ZC3H12B: variants seen among roughly 807,000 people sequenced by gnomAD.
The protein encoded by ZC3H12B is probable ribonuclease ZC3H12B.
A neutral mutation model predicts 43.9 loss-of-function variants in ZC3H12B; 7 were observed. The observed-to-expected ratio is 0.16, with a 90% CI of 0.09 to 0.30. ZC3H12B has a LOEUF of 0.30. ZC3H12B is among the 10% of genes least tolerant of loss of function. ZC3H12B has a pLI of 1.00. For synonymous variants in ZC3H12B, 222 were observed against 241.7 expected (o/e 0.92, Z 0.76); for missense variants, 475 against 670.2 (o/e 0.71, Z 3.22).
chrX:65,217,419 G>A, the ZC3H12B span, among the ~76,000 whole-genome samples: 1 of 111,363 alleles, frequency 9.0e-6, no homozygotes, highest in Non-Finnish European at 1.9e-5. Context: ...ACATCCACAA[G>A]AACCAAGAAT....
chrX:65,443,922 G>A (rs978789270), intron 3 of ZC3H12B, among the ~76,000 whole-genome samples: 6 of 112,266 alleles, frequency 5.3e-5, no homozygotes, highest in East Asian at 2.8e-4. Flanking sequence ...TTTCTTGCAG[G>A]CAGAAGATAG....
chrX:65,078,900 A>G, the ZC3H12B span, among the ~76,000 whole-genome samples: 1 of 111,815 alleles, frequency 8.9e-6, no homozygotes, highest in Admixed American at 9.4e-5. Flanking sequence ...TTAGTTAATT[A>G]AAAATGTACA....
the ZC3H12B span, among the ~76,000 whole-genome samples, chrX:65,224,816 T>TG: frequency 9.0e-6 from 1 of 111,631 alleles, no homozygotes; most frequent in African/African-American, 3.3e-5. Context: ...GCAGCGAGGC[T>TG]GGGGGAAGGG....
intron 2 of ZC3H12B, among the ~76,000 whole-genome samples, chrX:65,392,490 G>A (rs866101595): frequency 3.7e-4 from 42 of 112,156 alleles, no homozygotes; most frequent in Non-Finnish European, 4.3e-4. Flanking sequence ...GTCTCCAACC[G>A]GGCTGCCCCA....
chrX:65,128,645 T>C, the ZC3H12B span, among the ~76,000 whole-genome samples: 2 of 112,253 alleles, frequency 1.8e-5, no homozygotes, highest in African/African-American at 6.5e-5. Flanking sequence ...AAGAGAGGTT[T>C]GTTGAAGTCT....
chrX:65,501,741 G>A, intron 4 of ZC3H12B, 48 bp from the exon 10 acceptor site: 6 of 1,077,653 alleles, frequency 5.6e-6, no homozygotes, highest in Non-Finnish European at 6.1e-6. Context: ...TTGGCACAGA[G>A]GGTTCCATCA....
chrX:65,212,121 A>C, the ZC3H12B span, among the ~76,000 whole-genome samples: 1 of 57,474 alleles, frequency 1.7e-5, no homozygotes, highest in South Asian at 1.3e-3. Flanking sequence ...AATATATAGT[A>C]TATAATATAC....
chrX:65,152,399 T>C, the ZC3H12B span, among the ~76,000 whole-genome samples: 1 of 111,486 alleles, frequency 9.0e-6, no homozygotes, highest in Non-Finnish European at 1.9e-5. Flanking sequence ...GGATACAAAA[T>C]CAATGTACAA....
chrX:65,218,504 C>G, the ZC3H12B span, among the ~76,000 whole-genome samples: 1 of 111,484 alleles, frequency 9.0e-6, no homozygotes, highest in Non-Finnish European at 1.9e-5. Context: ...GACTTTTGGG[C>G]TATAGGCTGC....
At chrX:65,268,987 A>G in the ZC3H12B span, among the ~76,000 whole-genome samples, 1 of 112,469 alleles carries the variant, frequency 8.9e-6, no homozygotes, top group African/African-American at 3.2e-5. Flanking sequence ...ATAAAGATAA[A>G]AAAGCCTGTT....
At chrX:65,192,931 C>T in the ZC3H12B span, among the ~76,000 whole-genome samples, 1 of 109,926 alleles carries the variant, frequency 9.1e-6, no homozygotes. Context: ...GTGCCACCAC[C>T]CCCAGCTAAT....
chrX:65,256,152 T>A, the ZC3H12B span, among the ~76,000 whole-genome samples: 3 of 111,835 alleles, frequency 2.7e-5, no homozygotes, highest in Non-Finnish European at 3.8e-5. Flanking sequence ...AACAAAGATA[T>A]TTGGGACCTG....
the ZC3H12B span, among the ~76,000 whole-genome samples, chrX:65,246,504 C>T: frequency 8.9e-6 from 1 of 111,740 alleles, no homozygotes; most frequent in Non-Finnish European, 1.9e-5. Flanking sequence ...TACCTGACTT[C>T]AATCTATACT....
the ZC3H12B span, among the ~76,000 whole-genome samples, chrX:65,322,573 G>A: frequency 9.0e-6 from 1 of 111,525 alleles, no homozygotes; most frequent in African/African-American, 3.3e-5. Flanking sequence ...TTTACTTATT[G>A]GTTTTATATC....
At chrX:65,405,761 T>G (rs1258654986) in intron 3 of ZC3H12B, among the ~76,000 whole-genome samples, 1 of 111,866 alleles carries the variant, frequency 8.9e-6, no homozygotes, top group East Asian at 2.8e-4. Flanking sequence ...CCAAACTTAC[T>G]AATAAAAGGA....
intron 3 of ZC3H12B, among the ~76,000 whole-genome samples, chrX:65,458,062 T>TA (rs56840636): frequency 0.075 from 1,180 of 15,826 alleles, 35 homozygotes; most frequent in Non-Finnish European, 0.11. Flanking sequence ...GAATGATCAA[T>TA]AAAAAAAAAA....
chrX:65,184,943 A>G, the ZC3H12B span: 1 of 111,725 alleles, frequency 9.0e-6, no homozygotes, highest in African/African-American at 3.2e-5. Context: ...TGCATTGTAT[A>G]TATTACTTTC....
chrX:65,273,377 G>A, the ZC3H12B span, among the ~76,000 whole-genome samples: 1 of 110,004 alleles, frequency 9.1e-6, no homozygotes, highest in Non-Finnish European at 1.9e-5. Flanking sequence ...CAGTGTAGTA[G>A]AAGACAGATC....
At chrX:65,086,942 C>T in the ZC3H12B span, among the ~76,000 whole-genome samples, 1 of 110,448 alleles carries the variant, frequency 9.1e-6, no homozygotes, top group Non-Finnish European at 1.9e-5. Flanking sequence ...CATGGATACC[C>T]ACCTTACTCT....
Sources: gnomAD v4.1 joint callset for allele counts (sites outside exome capture counted in the v4.1 genomes callset) on GRCh38, gnomAD v4.1.1 for gene constraint, MANE v1.5 for transcripts, NCBI Gene and HGNC (gene_info 2026-07-23, HGNC 2026-07-21) for gene names.